The following OR4C16 variants were observed in gnomAD, a reference collection of about 807,000 sequenced individuals.
The protein encoded by OR4C16 is olfactory receptor family 4 subfamily C member 16.
OR4C16 carries 24 observed loss-of-function variants against 14.4 expected under a neutral mutation model. The ratio of observed to expected loss-of-function variants is 1.66; its 90% CI spans 1.21 to 2.34. The LOEUF is 2.34. Ranked by LOEUF, OR4C16 falls within the 30% of genes most tolerant of loss-of-function variation. OR4C16 has a pLI of 0.00. For missense variants in OR4C16, 674 were observed against 364.2 expected, an observed-to-expected ratio of 1.85 and a Z score of -6.92; for synonymous variants, 233 against 133.5, an observed-to-expected ratio of 1.75 and a Z score of -5.14.
At position 55,572,974 on chromosome 11, in the gene OR4C16, G is replaced by A. The variant is rs775773166; in HGVS notation, c.847G>A (p.Val283Met). 13 of 1,613,096 alleles carry A rather than the reference G, an allele frequency of 8.1e-6. 3 individuals are homozygous for A. The South Asian group carries it at 1.2e-4, about 15-fold the overall frequency. ...YTVGTSFLNP[V>M]IYTLKNTEVK... Reference sequence around the variant, plus strand: ...AGTTGGAACATCTTTTCTCAACCCTGTGATTTACACGCTGAAGAATACAGA... The same window carrying A: ...AGTTGGAACATCTTTTCTCAACCCTATGATTTACACGCTGAAGAATACAGA... Residue 283 changes from valine (V) to methionine (M), a missense_variant, in exon 1 of 1, where the codon GTG (valine) becomes ATG (methionine). Val to Met is a conservative substitution (Grantham distance 21). Coordinates refer to ENST00000623907, the MANE Select transcript of OR4C16 (RefSeq NM_001004701.2).
Position 55,572,548 on chromosome 11 carries a change from G to C in OR4C16, c.421G>C (p.Val141Leu). The part of the protein sequence containing the change: ...MTIISQWVCG[V>L]LMAVAWVGSC... ...CATCATAAGCCAGTGGGTCTGTGGT[G>C]TTTTGATGGCTGTGGCCTGGGTGGG... The change falls in exon 1 of 1, where the codon GTT becomes CTT. Residue 141 changes from valine to leucine, a missense_variant. Coordinates refer to ENST00000623907, the MANE Select transcript of OR4C16 (RefSeq NM_001004701.2). 1 of 1,614,120 alleles carries C rather than the reference G, an allele frequency of 6.2e-7. No individual in the cohort carries two copies. The highest frequency in any genetic ancestry group is 1.1e-5 in the South Asian group (1 of 91,082).
Position 55,572,811 on chromosome 11 carries a change from T to C in OR4C16, c.684T>C (p.Ala228=), listed in dbSNP as rs1266169560. ...IFLHSLRNHS[A]EVIKKALSTC... is the part of the protein sequence containing the mutation. ...TGCATTCTCTGAGAAACCACAGTGC[T>C]GAAGTGATAAAGAAAGCACTTTCCA... Residue 228 remains alanine (A), a synonymous_variant, in exon 1 of 1, where the codon GCT becomes GCC. Transcript: ENST00000623907. 1.9e-6 allele frequency: 3 copies of C among 1,613,978 alleles called. No homozygotes were observed. The highest frequency in any genetic ancestry group is 2.5e-6 in the Non-Finnish European group (3 of 1,179,960).
At position 55,572,874 on chromosome 11, in the gene OR4C16, T is replaced by C. The variant is rs1466097689; in HGVS notation, c.747T>C (p.Phe249=). ...ACATCATTGTGGTCATCTTGTTCTTTGGACCTTGCATATTTATGTACACAT... is the reference window on the plus strand; with the variant it reads ...ACATCATTGTGGTCATCTTGTTCTTCGGACCTTGCATATTTATGTACACAT... ...VSHIIVVILF[F]GPCIFMYTCL... is the part of the protein sequence containing the mutation. The change falls in exon 1 of 1, where the codon TTT becomes TTC. Residue 249 remains phenylalanine, a synonymous_variant. Coordinates refer to ENST00000623907, the MANE Select transcript of OR4C16 (RefSeq NM_001004701.2). 6.2e-7 allele frequency: 1 copy of C among 1,613,860 alleles called. No homozygotes were observed. The highest frequency in any genetic ancestry group is 1.7e-5 in the Admixed American group (1 of 59,988).
Position 55,572,484 on chromosome 11 carries a change from C to A in OR4C16, c.357C>A (p.Asp119Glu). 1 of 1,614,014 alleles carries A rather than the reference C, an allele frequency of 6.2e-7. No homozygotes were observed. The highest frequency in any genetic ancestry group is 8.5e-7 in the Non-Finnish European group (1 of 1,179,984). Residue 119 changes from aspartate to glutamate, a missense_variant, in exon 1 of 1, where the codon GAC (aspartate) becomes GAA (glutamate). Transcript: ENST00000623907. Reference sequence around the variant, plus strand: ...TCATCCTCATCCTCACGGCTGTTGACCGCTATGTGGACATCTGTAAGCCCC... The same window carrying A: ...TCATCCTCATCCTCACGGCTGTTGAACGCTATGTGGACATCTGTAAGCCCC... Reference protein sequence around the residue: ...EIFILILTAVDRYVDICKPLH... With the variant: ...EIFILILTAVERYVDICKPLH...
In OR4C16 at chr11:55,572,274, C is replaced by T. The variant is rs774245657; in HGVS notation, c.147C>T (p.Thr49=). The change falls in exon 1 of 1, where the codon ACC becomes ACT. Residue 49 remains threonine (T), a synonymous_variant. Transcript: ENST00000623907. ...TGCTAATCATTATTAGTGTCAAGAC[C>T]AGCCAGGCACTTAAGAACCCAATGT... ...GNLLIIISVK[T]SQALKNPMFF... 3.7e-6 allele frequency: 6 copies of T among 1,612,822 alleles called. No individual in the cohort carries two copies. Among genetic ancestry groups the T allele is most frequent in the South Asian group, 3.3e-5 (3 of 91,066 alleles).
At position 55,572,859 on chromosome 11, in the gene OR4C16, G is replaced by A. The variant is rs1857407370; in HGVS notation, c.732G>A (p.Val244=). 1 of 1,613,886 alleles carries A rather than the reference G, an allele frequency of 6.2e-7. No homozygotes were observed. The highest frequency in any genetic ancestry group is 8.5e-7 in the Non-Finnish European group (1 of 1,179,836). ...CCACATGTGTCTCCCACATCATTGT[G>A]GTCATCTTGTTCTTTGGACCTTGCA... The part of the protein sequence containing the change: ...ALSTCVSHII[V]VILFFGPCIF... Residue 244 remains valine, a synonymous_variant, in exon 1 of 1, where the codon GTG becomes GTA. Coordinates refer to ENST00000623907, the MANE Select transcript of OR4C16 (RefSeq NM_001004701.2).
In OR4C16 at chr11:55,573,050, A is replaced by T. The variant is rs756174919; in HGVS notation, c.923A>T (p.Asp308Val). 1.9e-6 allele frequency: 3 copies of T among 1,541,478 alleles called. No individual in the cohort carries two copies. In the East Asian group the frequency reaches 6.8e-5, roughly 35 times the overall value. ...TGGAGCAAGAAATTGATCACAGATG[A>T]CAAAAGATAAATGAAGGTTTCAAAT... Reference protein sequence around the residue: ...KLWSKKLITDDKR With the variant: ...KLWSKKLITDVKR The change falls in exon 1 of 1, where the codon GAC becomes GTC. Residue 308 changes from aspartate to valine, a missense_variant. Transcript: ENST00000623907.
chr11:55,572,221 C>A lies in OR4C16; in HGVS notation c.94C>A (p.Leu32Ile), dbSNP rs1857388999. The A allele has an allele frequency of 5.6e-6, 9 of 1,610,908 alleles. No homozygotes were observed. The highest frequency in any genetic ancestry group is 7.6e-6 in the Non-Finnish European group (9 of 1,177,406). Residue 32 changes from leucine to isoleucine, a missense_variant, in exon 1 of 1, where the codon CTC (leucine) becomes ATC (isoleucine). By Grantham distance (5) the Leu-to-Ile change is conservative. Transcript: ENST00000623907. ...KKIVFVIFLR[L>I]YLGTLLGNLL... is the part of the protein sequence containing the mutation. ...AATAGTGTTTGTTATTTTTTTGCGT[C>A]TCTACTTGGGAACACTGTTGGGTAA...
rs118070041 is a variant in OR4C16, at chr11:55,572,372, A to G, written c.245A>G (p.Asp82Gly). The G allele has an allele frequency of 6.7e-3, 10,838 of 1,613,800 alleles. 46 individuals are homozygous for G. The highest frequency in any genetic ancestry group is 8.1e-3 in the Non-Finnish European group (9,543 of 1,179,840). Residue 82 changes from aspartate (D) to glycine (G), a missense_variant, in exon 1 of 1, where the codon GAT (aspartate) becomes GGT (glycine). Physicochemically the swap from Asp to Gly is moderately conservative, Grantham distance 94. Coordinates refer to ENST00000623907, the MANE Select transcript of OR4C16 (RefSeq NM_001004701.2). ...TCCATAACCCCTAGAATGATTGTGG[A>G]TGCCCTTTTGAAGAAGACAACTATC... is the stretch of plus-strand genomic sequence containing the variant. ...STSITPRMIV[D>G]ALLKKTTISF...
At position 55,572,629 on chromosome 11, in the gene OR4C16, G is replaced by T; in HGVS notation, c.502G>T (p.Gly168Cys). The T allele has an allele frequency of 6.2e-7, 1 of 1,614,066 alleles. No individual in the cohort carries two copies. The highest frequency in any genetic ancestry group is 1.1e-5 in the South Asian group (1 of 91,080). ...TCTTGCCCTGAGTTTGCCATTCTGT[G>T]GCCCCAATGTGATCAATCACTGTTT... ...IFLALSLPFCGPNVINHCFCD... is the reference protein window; with the variant it reads ...IFLALSLPFCCPNVINHCFCD... Residue 168 changes from glycine to cysteine, a missense_variant, in exon 1 of 1, where the codon GGC becomes TGC. Coordinates refer to ENST00000623907, the MANE Select transcript of OR4C16 (RefSeq NM_001004701.2).
rs78612916 is a variant in OR4C16, at chr11:55,572,228, T to G, written c.101T>G (p.Leu34Trp). The change falls in exon 1 of 1, where the codon TTG becomes TGG. Residue 34 changes from leucine to tryptophan, a missense_variant. Leu to Trp is a moderately conservative substitution (Grantham distance 61). Transcript: ENST00000623907. ...IVFVIFLRLY[L>W]GTLLGNLLII... ...TTTGTTATTTTTTTGCGTCTCTACTTGGGAACACTGTTGGGTAATTTGCTA... is the reference window on the plus strand; with the variant it reads ...TTTGTTATTTTTTTGCGTCTCTACTGGGGAACACTGTTGGGTAATTTGCTA... The G allele has an allele frequency of 0.053, 85,540 of 1,609,556 alleles. 2,672 individuals carry two copies. The highest frequency in any genetic ancestry group is 0.061 in the Non-Finnish European group (71,892 of 1,176,470).
At position 55,572,526 on chromosome 11, in the gene OR4C16, C is replaced by T; in HGVS notation, c.399C>T (p.Ile133=). The change falls in exon 1 of 1, where the codon ATC becomes ATT. Residue 133 remains isoleucine (I), a synonymous_variant. Transcript: ENST00000623907. ...GTAAGCCCCTGCACTACATGACCAT[C>T]ATAAGCCAGTGGGTCTGTGGTGTTT... ...DICKPLHYMT[I]ISQWVCGVLM... The T allele has an allele frequency of 2.5e-6, 4 of 1,614,112 alleles. No homozygotes were observed. Among genetic ancestry groups the T allele is most frequent in the Non-Finnish European group, 3.4e-6 (4 of 1,180,022 alleles).
In OR4C16 at chr11:55,572,938, G is replaced by A. The variant is rs753928382; in HGVS notation, c.811G>A (p.Val271Ile). Reference protein sequence around the residue: ...TVFPMDKMIAVFYTVGTSFLN... With the variant: ...TVFPMDKMIAIFYTVGTSFLN... ...ATTCCCCATGGATAAGATGATAGCT[G>A]TATTTTATACAGTTGGAACATCTTT... Residue 271 changes from valine (V) to isoleucine (I), a missense_variant, in exon 1 of 1, where the codon GTA becomes ATA. Physicochemically the swap from Val to Ile is conservative, Grantham distance 29. Transcript: ENST00000623907. 8.7e-6 allele frequency: 14 copies of A among 1,612,866 alleles called. No individual in the cohort carries two copies. Among genetic ancestry groups the A allele is most frequent in the Non-Finnish European group, 1.2e-5 (14 of 1,178,922 alleles).
chr11:55,572,772 C>G lies in OR4C16; in HGVS notation c.645C>G (p.Ser215=). 1 of 1,614,068 alleles carries G rather than the reference C, an allele frequency of 6.2e-7. No individual in the cohort carries two copies. The highest frequency in any genetic ancestry group is 1.1e-5 in the South Asian group (1 of 91,068). Residue 215 remains serine (S), a synonymous_variant, in exon 1 of 1, where the codon TCC becomes TCG. Transcript: ENST00000623907. ...CAVSYVMLIF[S]YVIFLHSLRN... ...TGAGTTATGTCATGCTAATATTCTC[C>G]TATGTCATCTTCTTGCATTCTCTGA... is the stretch of plus-strand genomic sequence containing the variant.
chr11:55,572,697 C>T lies in OR4C16; in HGVS notation c.570C>T (p.Thr190=), dbSNP rs769009707. ...TGTTGAAACAAGCCTGTTCAGAAAC[C>T]TATGTGGTTAACCTACTCCTGGTTT... The part of the protein sequence containing the change: ...QPLLKQACSE[T]YVVNLLLVSN... The change falls in exon 1 of 1, where the codon ACC becomes ACT. Residue 190 remains threonine (T), a synonymous_variant. Coordinates refer to ENST00000623907, the MANE Select transcript of OR4C16 (RefSeq NM_001004701.2). 3 of 1,613,786 alleles carry T rather than the reference C, an allele frequency of 1.9e-6. No homozygotes were observed. The highest frequency in any genetic ancestry group is 2.5e-6 in the Non-Finnish European group (3 of 1,179,840).
chr11:55,572,159 T>A lies in OR4C16; in HGVS notation c.32T>A (p.Ile11Asn). 1 of 1,611,426 alleles carries A rather than the reference T, an allele frequency of 6.2e-7. No individual in the cohort carries two copies. MQLNNNVTEFILLGLTQDPFW... is the reference protein window; with the variant it reads MQLNNNVTEFNLLGLTQDPFW... ...CTGAATAATAATGTGACTGAGTTCA[T>A]TCTGCTTGGATTGACACAGGATCCT... The change falls in exon 1 of 1, where the codon ATT (isoleucine) becomes AAT (asparagine). Residue 11 changes from isoleucine (I) to asparagine (N), a missense_variant. Ile to Asn is a moderately radical substitution (Grantham distance 149). Transcript: ENST00000623907.
rs1449243666 is a variant in OR4C16 at position 55,572,134 on chromosome 11, C to A, written c.7C>A (p.Leu3Met). 1.3e-6 allele frequency: 2 copies of A among 1,596,822 alleles called. No individual in the cohort carries two copies. The change falls in exon 1 of 1, where the codon CTG becomes ATG. Residue 3 changes from leucine to methionine, a missense_variant. Coordinates refer to ENST00000623907, the MANE Select transcript of OR4C16 (RefSeq NM_001004701.2). ...CACCTCACTCACGAAAACCATGCAA[C>A]TGAATAATAATGTGACTGAGTTCAT... MQ[L>M]NNNVTEFILL...
Position 55,572,167 on chromosome 11 carries a change from G to A in OR4C16, c.40G>A (p.Gly14Arg), listed in dbSNP as rs1315057377. 1 of 1,611,636 alleles carries A rather than the reference G, an allele frequency of 6.2e-7. No individual in the cohort carries two copies. Among genetic ancestry groups the A allele is most frequent in the Admixed American group, 1.7e-5 (1 of 59,890 alleles). Residue 14 changes from glycine to arginine, a missense_variant, in exon 1 of 1, where the codon GGA (glycine) becomes AGA (arginine). By Grantham distance (125) the Gly-to-Arg change is moderately radical. Coordinates refer to ENST00000623907, the MANE Select transcript of OR4C16 (RefSeq NM_001004701.2). ...NNNVTEFILLGLTQDPFWKKI... is the reference protein window; with the variant it reads ...NNNVTEFILLRLTQDPFWKKI... The stretch of plus-strand genomic sequence containing the variant: ...TAATGTGACTGAGTTCATTCTGCTT[G>A]GATTGACACAGGATCCTTTTTGGAA...
Position 55,572,372 on chromosome 11 carries a change from A to T in OR4C16, c.245A>T (p.Asp82Val), listed in dbSNP as rs118070041. The T allele has an allele frequency of 5.0e-6, 8 of 1,613,738 alleles. No homozygotes were observed. The highest frequency in any genetic ancestry group is 6.8e-6 in the Non-Finnish European group (8 of 1,179,898). The stretch of plus-strand genomic sequence containing the variant: ...TCCATAACCCCTAGAATGATTGTGG[A>T]TGCCCTTTTGAAGAAGACAACTATC... ...STSITPRMIV[D>V]ALLKKTTISF... The change falls in exon 1 of 1, where the codon GAT becomes GTT. Residue 82 changes from aspartate to valine, a missense_variant. Physicochemically the swap from Asp to Val is radical, Grantham distance 152 (BLOSUM62 -3). Coordinates refer to ENST00000623907, the MANE Select transcript of OR4C16 (RefSeq NM_001004701.2).
Sources: allele counts gnomAD v4.1 joint callset, GRCh38; gene constraint gnomAD v4.1.1; transcripts MANE v1.5; gene names NCBI Gene and HGNC (gene_info 2026-07-23, HGNC 2026-07-21).